Variants in UST observed in about 807,000 individuals in gnomAD.
The protein encoded by UST is chondroitin sulfate 2-O-sulfotransferase.
In UST, 21 loss-of-function variants were observed where a neutral mutation model predicts 45.6. The ratio of observed to expected loss-of-function variants is 0.46; its 90% confidence interval spans 0.33 to 0.66. UST has a LOEUF of 0.66. Among genes scored for constraint, UST ranks in the 30% least tolerant of loss-of-function variants. UST has a pLI of 0.02. For synonymous variants in UST, 215 were observed against 200.6 expected, an observed-to-expected ratio of 1.07 and a Z score of -0.61; for missense variants, 463 against 512.4, an observed-to-expected ratio of 0.90 and a Z score of 0.93.
At chr6:148,781,290 A>G (rs970740757) in intron 1 of UST, among the ~76,000 whole-genome samples, 2 of 152,196 alleles carry the variant, frequency 1.3e-5, no homozygotes, top group Non-Finnish European at 2.9e-5. Flanking sequence ...AAGAAAGCTA[A>G]GGAGCCTCAT....
At chr6:148,989,157 C>T (rs1052738813) in intron 5 of UST, among the ~76,000 whole-genome samples, 2 of 151,350 alleles carry the variant, frequency 1.3e-5, no homozygotes, top group Middle Eastern at 3.5e-3. Flanking sequence ...GAAGAAGCTA[C>T]TTCTGGTCTG....
intron 2 of UST, among the ~76,000 whole-genome samples, chr6:148,933,353 C>T (rs1779957706): frequency 2.0e-5 from 3 of 152,126 alleles, no homozygotes; most frequent in African/African-American, 7.2e-5. Flanking sequence ...ATTAATTATC[C>T]ACTATGCACA....
At chr6:148,809,371 A>G (rs1391302619) in intron 1 of UST, among the ~76,000 whole-genome samples, 2 of 149,096 alleles carry the variant, frequency 1.3e-5, no homozygotes, top group Admixed American at 1.3e-4. Context: ...TCTTTCTCCC[A>G]TACACTGTCA....
chr6:149,038,634 A>C (rs1349042587), intron 7 of UST, among the ~76,000 whole-genome samples: 1 of 152,206 alleles, frequency 6.6e-6, no homozygotes, highest in Non-Finnish European at 1.5e-5. Context: ...ATAGGAAACT[A>C]ATGCAGTTAG....
intron 7 of UST, among the ~76,000 whole-genome samples, chr6:149,046,176 T>C (rs556647749): frequency 6.6e-6 from 1 of 152,346 alleles, no homozygotes; most frequent in South Asian, 2.1e-4. Flanking sequence ...TAGAGTCTTA[T>C]TTGGTGAACA....
At chr6:148,966,422 T>C (rs1780799191) in intron 5 of UST, among the ~76,000 whole-genome samples, 1 of 152,146 alleles carries the variant, frequency 6.6e-6, no homozygotes, top group African/African-American at 2.4e-5. Flanking sequence ...ATACATTCCA[T>C]TTAATCCAGA....
At chr6:148,832,327 G>T (rs1052438094) in intron 1 of UST, among the ~76,000 whole-genome samples, 1 of 152,168 alleles carries the variant, frequency 6.6e-6, no homozygotes, top group Non-Finnish European at 1.5e-5. Context: ...TGAGGATATT[G>T]TGAGATCTTT....
At chr6:148,971,483 C>A (rs890858875) in intron 5 of UST, among the ~76,000 whole-genome samples, 7 of 152,130 alleles carry the variant, frequency 4.6e-5, no homozygotes, top group African/African-American at 1.4e-4. Context: ...ATGTAGGCTG[C>A]ATCCTACAAT....
intron 5 of UST, chr6:149,005,261 C>G: frequency 1.0e-6 from 1 of 984,472 alleles, no homozygotes; most frequent in Non-Finnish European, 1.2e-6. Context: ...TTGACGTTTC[C>G]TTTTACTGGG....
chr6:148,978,916 C>A (rs201840177), intron 5 of UST, among the ~76,000 whole-genome samples: 1 of 152,208 alleles, frequency 6.6e-6, no homozygotes, highest in East Asian at 1.9e-4. Context: ...TGCCAAATTT[C>A]GCTCATTTCT....
At chr6:148,861,670 T>C (rs2114801040) in intron 1 of UST, among the ~76,000 whole-genome samples, 1 of 152,354 alleles carries the variant, frequency 6.6e-6, no homozygotes, top group African/African-American at 2.4e-5. Context: ...CTGCTTTAAA[T>C]GTGTCCCAGA....
At chr6:148,804,658 A>G (rs1351573747) in intron 1 of UST, among the ~76,000 whole-genome samples, 2 of 152,128 alleles carry the variant, frequency 1.3e-5, no homozygotes, top group Non-Finnish European at 2.9e-5. Context: ...TATTAAAAAC[A>G]TTTGTCTTTA....
chr6:148,864,299 G>A (rs1176221983), intron 1 of UST, among the ~76,000 whole-genome samples: 3 of 152,212 alleles, frequency 2.0e-5, no homozygotes, highest in African/African-American at 7.2e-5. Context: ...GGGACCCTCC[G>A]AGCCAGGCGT....
At chr6:148,821,530 G>C (rs74484131) in intron 1 of UST, among the ~76,000 whole-genome samples, 3 of 152,178 alleles carry the variant, frequency 2.0e-5, no homozygotes, top group African/African-American at 7.2e-5. Context: ...ATAAATTCAA[G>C]TAACAAGTAT....
At chr6:149,002,616 C>T (rs1460681257) in intron 5 of UST, among the ~76,000 whole-genome samples, 2 of 152,196 alleles carry the variant, frequency 1.3e-5, no homozygotes, top group Non-Finnish European at 2.9e-5. Flanking sequence ...AAGCAATTCT[C>T]CTGTCTCAGC....
chr6:148,779,040 C>T (rs370506905), intron 1 of UST, among the ~76,000 whole-genome samples: 79 of 152,296 alleles, frequency 5.2e-4, no homozygotes, highest in African/African-American at 1.6e-3. Context: ...TGTCCTTACC[C>T]GCTGTGGATG....
rs569963643 is a variant in UST, at chr6:148,790,563, C to T, written c.247+42886C>T. 9.1e-4 allele frequency among the ~76,000 whole-genome samples: 138 copies of T among 152,282 alleles called. 1 individual carries two copies. The highest frequency in any genetic ancestry group is 3.1e-3 in the African/African-American group (128 of 41,566). ...GCCCTGCACTGTTAAGGTGCTGTAG[C>T]GGATGCTGTGATGTGCCACCGTTCA... On this transcript the variant is annotated intron_variant, in intron 1 of 7. Coordinates refer to ENST00000367463, the MANE Select transcript of UST (RefSeq NM_005715.3). The surrounding 1 kb of genome is among the most constrained non-coding windows in gnomAD (Gnocchi z 4.2).
chr6:149,010,919 A>AAAAAAAAAAAAAAAAAAAC (rs1486957598), intron 5 of UST, among the ~76,000 whole-genome samples: 1 of 150,526 alleles, frequency 6.6e-6, no homozygotes, highest in Admixed American at 6.6e-5. Context: ...AAAAAAAAAA[A>AAAAAAAAAAAAAAAAAAAC]CTGTGACTAT....
chr6:148,827,828 A>C (rs1340286541), intron 1 of UST, among the ~76,000 whole-genome samples: 1 of 152,036 alleles, frequency 6.6e-6, no homozygotes, highest in African/African-American at 2.4e-5. Context: ...AGATGAACAT[A>C]TGCGGTTTAC....
Sources: allele counts gnomAD v4.1 joint callset (sites outside exome capture counted in the v4.1 genomes callset), GRCh38; gene constraint gnomAD v4.1.1; non-coding constraint Gnocchi (gnomAD v3.1); transcripts MANE v1.5; gene names NCBI Gene and HGNC (gene_info 2026-07-23, HGNC 2026-07-21).